The following SLMAP variants were observed in gnomAD, a reference collection of about 807,000 sequenced individuals.
SLMAP encodes the protein sarcolemmal membrane-associated protein.
A neutral mutation model predicts 128.8 loss-of-function variants in SLMAP; 44 were observed. That is an observed-to-expected ratio of 0.34 (90% CI 0.27 to 0.44). SLMAP has a LOEUF of 0.44. Among genes scored for constraint, SLMAP ranks in the 20% least tolerant of loss-of-function variants. SLMAP has a pLI of 1.00. For synonymous variants in SLMAP, 327 were observed against 348.8 expected (o/e 0.94, Z 0.70); for missense variants, 787 against 985.3 (o/e 0.80, Z 2.69).
At chr3:57,922,461 C>T (rs949102823) in intron 22 of SLMAP, among the ~76,000 whole-genome samples, 2 of 143,672 alleles carry the variant, frequency 1.4e-5, no homozygotes, top group Non-Finnish European at 3.0e-5. Context: ...GAGTCTCCCT[C>T]TGTCACCCAG....
At chr3:57,858,000 T>C (rs1033603843) in intron 7 of SLMAP, 88 bp from the exon 8 acceptor site, 3 of 974,238 alleles carry the variant, frequency 3.1e-6, no homozygotes, top group East Asian at 4.8e-5. Flanking sequence ...CGCTTTTATA[T>C]CTTTTGTTGT....
At chr3:57,814,795 G>C (rs1292435607) in intron 2 of SLMAP, among the ~76,000 whole-genome samples, 1 of 151,984 alleles carries the variant, frequency 6.6e-6, no homozygotes, top group African/African-American at 2.4e-5. Flanking sequence ...GCAACAAAGT[G>C]ATGCCTGTCT....
intron 14 of SLMAP, among the ~76,000 whole-genome samples, chr3:57,874,243 A>C (rs988773502): frequency 6.6e-6 from 1 of 152,098 alleles, no homozygotes; most frequent in Non-Finnish European, 1.5e-5. Flanking sequence ...AGTGAGCTAT[A>C]GTTGTGCCAC....
At chr3:57,892,759 A>C (rs1178928865) in intron 15 of SLMAP, among the ~76,000 whole-genome samples, 2 of 151,492 alleles carry the variant, frequency 1.3e-5, no homozygotes, top group African/African-American at 4.9e-5. Flanking sequence ...AGCCTGGGCA[A>C]CGTAACAAGA....
chr3:57,850,587 A>C (rs890461465), intron 6 of SLMAP, among the ~76,000 whole-genome samples: 1 of 151,998 alleles, frequency 6.6e-6, no homozygotes, highest in South Asian at 2.1e-4. Context: ...CCGAGCCCCA[A>C]AACAATTCTT....
chr3:57,782,984 A>G (rs2083367309), intron 2 of SLMAP, among the ~76,000 whole-genome samples: 1 of 152,220 alleles, frequency 6.6e-6, no homozygotes, highest in Admixed American at 6.5e-5. Context: ...TGAGAAATAC[A>G]TTTCTTTTCT....
chr3:57,825,347 A>G (rs2092839267), intron 2 of SLMAP, among the ~76,000 whole-genome samples: 2 of 151,438 alleles, frequency 1.3e-5, no homozygotes, highest in African/African-American at 4.9e-5. Context: ...GTCTTTTACT[A>G]TTGAGTATTA....
intron 2 of SLMAP, among the ~76,000 whole-genome samples, chr3:57,772,659 A>G (rs2081110740): frequency 6.7e-6 from 1 of 148,712 alleles, no homozygotes; most frequent in Admixed American, 6.7e-5. Flanking sequence ...TTTTTTTTTG[A>G]GATGGAGTTT....
intron 19 of SLMAP, among the ~76,000 whole-genome samples, chr3:57,911,188 GC>G (rs2096685721): frequency 6.6e-6 from 1 of 152,054 alleles, no homozygotes; most frequent in Admixed American, 6.6e-5. Context: ...ATTATTGAGT[GC>G]CCCCTGGTGC....
At chr3:57,886,018 G>A (rs565655655) in intron 14 of SLMAP, among the ~76,000 whole-genome samples, 4 of 146,516 alleles carry the variant, frequency 2.7e-5, no homozygotes, top group African/African-American at 1.0e-4. Context: ...TCCTGACCTC[G>A]TGATCCACCC....
At chr3:57,892,128 A>G (rs2096091330) in intron 15 of SLMAP, among the ~76,000 whole-genome samples, 1 of 152,204 alleles carries the variant, frequency 6.6e-6, no homozygotes, top group Non-Finnish European at 1.5e-5. Context: ...GTTAATAGGC[A>G]AAGATATGCT....
intron 5 of SLMAP, among the ~76,000 whole-genome samples, chr3:57,848,865 A>G (rs1296275356): frequency 6.6e-6 from 1 of 151,394 alleles, no homozygotes. Context: ...ATGTGCCACC[A>G]TGCCCTGCTA....
chr3:57,908,813 T>C (rs988288216), intron 18 of SLMAP, among the ~76,000 whole-genome samples: 5 of 152,232 alleles, frequency 3.3e-5, no homozygotes, highest in African/African-American at 1.2e-4. Flanking sequence ...CTGTTTCTCA[T>C]GTTAAGAAAA....
chr3:57,863,394 C>T (rs890145291), intron 10 of SLMAP, among the ~76,000 whole-genome samples: 6 of 152,148 alleles, frequency 3.9e-5, no homozygotes, highest in African/African-American at 9.7e-5. Context: ...AGCATACCTC[C>T]GTTGGTTAAC....
chr3:57,913,115 G>C, intron 20 of SLMAP, 43 bp from the exon 21 acceptor site: 1 of 922,816 alleles, frequency 1.1e-6, no homozygotes, highest in Non-Finnish European at 1.7e-6. Context: ...TATTATGGAA[G>C]TTATATTTCT....
chr3:57,888,100 C>G (rs2095950167), intron 14 of SLMAP, among the ~76,000 whole-genome samples: 1 of 151,902 alleles, frequency 6.6e-6, no homozygotes, highest in Non-Finnish European at 1.5e-5. Context: ...TATAAGAAAA[C>G]AGAAAGAGGA....
chr3:57,836,437 C>G (rs963339533), intron 3 of SLMAP, among the ~76,000 whole-genome samples: 1 of 152,126 alleles, frequency 6.6e-6, no homozygotes, highest in African/African-American at 2.4e-5. Context: ...GAGCCTAATA[C>G]CACTGAACAT....
chr3:57,840,703 AAAC>A (rs2093892121), intron 3 of SLMAP, among the ~76,000 whole-genome samples: 1 of 152,226 alleles, frequency 6.6e-6, no homozygotes, highest in South Asian at 2.1e-4. Context: ...ACTATCAAGA[AAAC>A]AAAACAAAAT....
intron 20 of SLMAP, among the ~76,000 whole-genome samples, chr3:57,912,923 T>G (rs1476907146): frequency 2.6e-5 from 4 of 152,290 alleles, no homozygotes; most frequent in African/African-American, 9.6e-5. Context: ...TTGTTAAAAA[T>G]TGCTTGTCTT....
Sources: allele counts gnomAD v4.1 joint callset (sites outside exome capture counted in the v4.1 genomes callset), GRCh38; gene constraint gnomAD v4.1.1; transcripts MANE v1.5; gene names NCBI Gene and HGNC (gene_info 2026-07-23, HGNC 2026-07-21).